CHMP3: variants seen among roughly 807,000 people sequenced by gnomAD.
The protein encoded by CHMP3 is 25.1 protein.
Under a neutral mutation model 27.4 loss-of-function variants are expected in CHMP3, and 8 were observed. The ratio of observed to expected loss-of-function variants is 0.29; its 90% CI spans 0.17 to 0.53. CHMP3 has a LOEUF of 0.53. Ranked by LOEUF, CHMP3 falls within the 20% of genes least tolerant of loss-of-function variation. The probability of loss-of-function intolerance (pLI) is 0.96; values close to 1 mark genes in which losing one functional copy is unlikely to be tolerated. For synonymous variants in CHMP3, 86 were observed against 85.5 expected (o/e 1.01, Z -0.03); for missense variants, 208 against 271.5 (o/e 0.77, Z 1.64).
intron 1 of CHMP3, among the ~76,000 whole-genome samples, chr2:86,555,310 C>T (rs911928235): frequency 6.6e-6 from 1 of 152,084 alleles, no homozygotes; most frequent in Non-Finnish European, 1.5e-5. Context: ...GTGACTGTCA[C>T]TCTGTGTGCT....
intron 1 of CHMP3, among the ~76,000 whole-genome samples, chr2:86,543,648 C>T (rs769471902): frequency 1.2e-4 from 19 of 152,210 alleles, no homozygotes; most frequent in Non-Finnish European, 2.2e-4. Context: ...TCTTCCTTTA[C>T]GTCCTTGAAT....
rs1411862943 is a variant in CHMP3 at position 86,544,194 on chromosome 2, T to C, written c.46-1882A>G. On this transcript the variant is annotated intron_variant, in intron 1 of 5. Coordinates refer to ENST00000263856, the MANE Select transcript of CHMP3 (RefSeq NM_016079.4). ...GTGTATAACACAACTCGTTTATCCA[T>C]TCAACTGTTAATGGAAATCTGGGTT... Among the ~76,000 whole-genome samples, 3 of 152,240 alleles carry C rather than the reference T, an allele frequency of 2.0e-5. No homozygotes were observed. In the East Asian group the frequency reaches 5.8e-4, roughly 29 times the overall value.
At chr2:86,540,822 T>C (rs937658498) in intron 2 of CHMP3, 2 of 151,306 alleles carry the variant, frequency 1.3e-5, no homozygotes, top group Admixed American at 6.6e-5. Flanking sequence ...AATTCAATCA[T>C]CTTTTTTTGT....
chr2:86,541,097 T>A (rs1406410130), intron 2 of CHMP3: 1 of 152,066 alleles, frequency 6.6e-6, no homozygotes, highest in Non-Finnish European at 1.5e-5. Flanking sequence ...TGTGGTAGCC[T>A]TTTTTCTAGG....
At chr2:86,522,008 C>T (rs1675539701) in intron 3 of CHMP3, among the ~76,000 whole-genome samples, 1 of 152,180 alleles carries the variant, frequency 6.6e-6, no homozygotes, top group South Asian at 2.1e-4. Context: ...TTGAACCTCT[C>T]CCTTAACCCT....
chr2:86,544,631 G>A (rs993097497), intron 1 of CHMP3, among the ~76,000 whole-genome samples: 22 of 152,150 alleles, frequency 1.4e-4, no homozygotes, highest in Non-Finnish European at 3.1e-4. Flanking sequence ...AGTTGACACA[G>A]CACATGTTTC....
At chr2:86,546,299 A>C (rs927362820) in intron 1 of CHMP3, among the ~76,000 whole-genome samples, 4 of 115,476 alleles carry the variant, frequency 3.5e-5, no homozygotes, top group African/African-American at 1.3e-4. Context: ...CAAGGCAGGG[A>C]GGTTGCAGCG....
chr2:86,560,136 G>A (rs978116479), intron 1 of CHMP3, among the ~76,000 whole-genome samples: 1 of 152,048 alleles, frequency 6.6e-6, no homozygotes, highest in African/African-American at 2.4e-5. Flanking sequence ...GTGGTGGCAC[G>A]GGCCTGTAGT....
Position 86,521,497 on chromosome 2 carries a change from A to G in CHMP3, c.286+7721T>C, listed in dbSNP as rs139876020. On this transcript the variant is annotated intron_variant, in intron 3 of 5. Coordinates refer to ENST00000263856, the MANE Select transcript of CHMP3 (RefSeq NM_016079.4). ...TAGTTAAGTGGCATTAGGTACATTC[A>G]TTCACATTTTTGTGTAACCATCACC... is the stretch of plus-strand genomic sequence containing the variant. Among the ~76,000 whole-genome samples, 526 of 152,290 alleles carry G rather than the reference A, an allele frequency of 3.5e-3. 6 individuals are homozygous for G. The highest frequency in any genetic ancestry group is 0.012 in the African/African-American group (507 of 41,554).
intron 1 of CHMP3, among the ~76,000 whole-genome samples, chr2:86,544,835 T>C (rs1676502708): frequency 6.6e-6 from 1 of 152,204 alleles, no homozygotes; most frequent in Non-Finnish European, 1.5e-5. Context: ...CATGGCCCGT[T>C]CTTGATGGTT....
rs1224653678 is a variant in CHMP3, at chr2:86,526,682, C to CTATA, written c.286+2532_286+2535dup. Reference sequence around the variant, plus strand: ...GCATGCTCTCTCTCTCTCTCTCTCTCTATATATATATACACATACACATAG... The same window carrying CTATA: ...GCATGCTCTCTCTCTCTCTCTCTCTCTATATATATATATATACACATACACATAG... On this transcript the variant is annotated intron_variant, in intron 3 of 5. Transcript: ENST00000263856. 2.2e-3 allele frequency among the ~76,000 whole-genome samples: 333 copies of CTATA among 149,578 alleles called. 6 individuals are homozygous for CTATA. The highest frequency in any genetic ancestry group is 7.8e-3 in the African/African-American group (318 of 40,580).
At chr2:86,536,419 GCAAGTCAGGTCTAGCTGTAATAAACTCCC>G (rs1676143835) in intron 2 of CHMP3, among the ~76,000 whole-genome samples, 1 of 151,480 alleles carries the variant, frequency 6.6e-6, no homozygotes, top group African/African-American at 2.5e-5. Flanking sequence ...ATTACCTCTT[GCAAGTCAGGTCTAGCTGTAATAAACTCCC>G]ATGGCTTTTG....
intron 1 of CHMP3, among the ~76,000 whole-genome samples, chr2:86,548,825 G>A (rs76691268): frequency 2.0e-5 from 3 of 149,058 alleles, no homozygotes; most frequent in Admixed American, 6.7e-5. Flanking sequence ...GGGCAGAGGC[G>A]CACCTCACTT....
intron 2 of CHMP3, among the ~76,000 whole-genome samples, chr2:86,534,201 T>C (rs1405759314): frequency 1.6e-5 from 2 of 128,784 alleles, no homozygotes; most frequent in Admixed American, 7.6e-5. Context: ...TATTTCTTTT[T>C]TTTTTTTTTT....
At chr2:86,518,946 G>T (rs1403978871) in intron 3 of CHMP3, among the ~76,000 whole-genome samples, 1 of 152,138 alleles carries the variant, frequency 6.6e-6, no homozygotes, top group East Asian at 1.9e-4. Flanking sequence ...TTCAGGCTAA[G>T]TTCTAAGATA....
chr2:86,513,754 G>A (rs1488633637), intron 3 of CHMP3, among the ~76,000 whole-genome samples: 1 of 152,174 alleles, frequency 6.6e-6, no homozygotes, highest in Non-Finnish European at 1.5e-5. Flanking sequence ...ATTGCCATTT[G>A]TATCATGAGA....
At chr2:86,546,170 G>A (rs1033258482) in intron 1 of CHMP3, among the ~76,000 whole-genome samples, 11 of 152,192 alleles carry the variant, frequency 7.2e-5, no homozygotes, top group East Asian at 1.9e-4. Flanking sequence ...AGACCAGCCC[G>A]GTCAACACAG....
rs33977886 is a variant in CHMP3 at position 86,534,196 on chromosome 2, CTTTTTTTTTT to C, written c.107-4809_107-4800del. On this transcript the variant is annotated intron_variant, in intron 2 of 5. Coordinates refer to ENST00000263856, the MANE Select transcript of CHMP3 (RefSeq NM_016079.4). ...ATCTTTAGATCCAATTGCTTTATTT[CTTTTTTTTTT>C]TTTTTTTTTTTTTTTTGAGATGGAG... 1.2e-3 allele frequency among the ~76,000 whole-genome samples: 83 copies of C among 66,948 alleles called. 1 individual carries two copies. The highest frequency in any genetic ancestry group is 3.6e-3 in the African/African-American group (65 of 17,866). The allele number at this position is 66,948 out of a possible 152,430, so 43.9% of individuals were successfully genotyped here. A position where few individuals can be genotyped will look rare whatever the true frequency, so the allele number is the denominator to read the frequency against.
chr2:86,515,540 C>T (rs1471832361), intron 3 of CHMP3, among the ~76,000 whole-genome samples: 6 of 152,064 alleles, frequency 3.9e-5, no homozygotes, highest in Admixed American at 2.6e-4. Flanking sequence ...AGGCTGGTCT[C>T]GAACTCCTGA....
Sources: allele counts gnomAD v4.1 joint callset (sites outside exome capture counted in the v4.1 genomes callset), GRCh38; gene constraint gnomAD v4.1.1; transcripts MANE v1.5; gene names NCBI Gene and HGNC (gene_info 2026-07-23, HGNC 2026-07-21).